Variants in NRIP1 observed in about 807,000 individuals in gnomAD.
NRIP1 encodes the protein nuclear receptor-interacting protein 1.
A neutral mutation model predicts 75.0 loss-of-function variants in NRIP1; 28 were observed. That is an observed-to-expected ratio of 0.37 (90% CI 0.28 to 0.51). The LOEUF (loss-of-function observed/expected upper bound fraction) is 0.51, where lower values mean the gene tolerates loss of function less well. Ranked by LOEUF, NRIP1 falls within the 20% of genes least tolerant of loss-of-function variation. The pLI is 0.92. For missense variants in NRIP1, 1,435 were observed against 1,343.7 expected (o/e 1.07, Z -1.06); for synonymous variants, 526 against 487.6 (o/e 1.08, Z -1.04).
intron 3 of NRIP1, among the ~76,000 whole-genome samples, chr21:14,969,120 TGTGA>T (rs1282999678): frequency 6.6e-6 from 1 of 152,336 alleles, no homozygotes; most frequent in East Asian, 1.9e-4. Flanking sequence ...AAGATTATTT[TGTGA>T]GTCTGTTCAA....
chr21:14,976,889 T>C (rs1568951027), intron 3 of NRIP1, among the ~76,000 whole-genome samples: 1 of 152,172 alleles, frequency 6.6e-6, no homozygotes, highest in African/African-American at 2.4e-5. Flanking sequence ...TCACTTGGTA[T>C]GCCATTTAAA....
Position 15,014,336 on chromosome 21 carries a change from A to G in NRIP1, c.-335+8T>C, listed in dbSNP as rs916799346. The G allele has an allele frequency of 1.3e-5, 5 of 397,480 alleles. No homozygotes were observed. Among genetic ancestry groups the G allele is most frequent in the African/African-American group, 1.0e-4 (5 of 48,628 alleles). 24.6% of individuals were successfully genotyped at this position (397,480 alleles called of 1,614,324 possible). A position where few individuals can be genotyped will look rare whatever the true frequency, so the allele number is the denominator to read the frequency against. ...AGCCTTAAGAACTCAGGAAAAAAAT[A>G]TTCTCACCGTCTGTCTCCAAGCTCT... is the stretch of plus-strand genomic sequence containing the variant. On this transcript the variant is annotated splice_region_variant and intron_variant, in intron 3 of 3. Coordinates refer to ENST00000318948, the MANE Select transcript of NRIP1 (RefSeq NM_003489.4).
Position 14,962,653 on chromosome 21 carries a change from T to C in NRIP1, c.*2063A>G, listed in dbSNP as rs996045637. ...CAATAAGATTGTCATAGTATGGACA[T>C]GGAATAGAATATATTCAACTGGCCA... On this transcript the variant is annotated 3_prime_UTR_variant, in exon 4 of 4. Transcript: ENST00000318948. The C allele has an allele frequency of 6.6e-6, 1 of 152,480 alleles. No homozygotes were observed. Among genetic ancestry groups the C allele is most frequent in the Admixed American group, 6.6e-5 (1 of 15,244 alleles). The allele number at this position is 152,480 out of a possible 1,614,324, so 9.4% of individuals were successfully genotyped here.
Position 14,962,042 on chromosome 21 carries a change from T to A in NRIP1, c.*2674A>T, listed in dbSNP as rs1555876651. 9 of 130,442 alleles carry A rather than the reference T, an allele frequency of 6.9e-5. No individual in the cohort carries two copies. The highest frequency in any genetic ancestry group is 1.3e-4 in the Non-Finnish European group (8 of 61,186). 8.1% of individuals were successfully genotyped at this position (130,442 alleles called of 1,614,324 possible). On this transcript the variant is annotated 3_prime_UTR_variant, in exon 4 of 4. Coordinates refer to ENST00000318948, the MANE Select transcript of NRIP1 (RefSeq NM_003489.4). Reference sequence around the variant, plus strand: ...ATATATATATATATATATATATATATAAAATATATACTCTCACCAGTTTAC... The same window carrying A: ...ATATATATATATATATATATATATAAAAAATATATACTCTCACCAGTTTAC...
In NRIP1 at chr21:14,987,039, A is replaced by G. The variant is rs567130221; in HGVS notation, c.-334-18513T>C. Among the ~76,000 whole-genome samples, 4 of 152,210 alleles carry G rather than the reference A, an allele frequency of 2.6e-5. No individual in the cohort carries two copies. In the South Asian group the frequency reaches 8.3e-4, roughly 32 times the overall value. ...TGATGCTTAATCCCCTTTATAACCC[A>G]TTTGCTATCTCTGGATATCTAGCTT... On this transcript the variant is annotated intron_variant, in intron 3 of 3. Coordinates refer to ENST00000318948, the MANE Select transcript of NRIP1 (RefSeq NM_003489.4).
At chr21:15,000,079 G>C (rs189376964) in intron 3 of NRIP1, among the ~76,000 whole-genome samples, 2 of 152,242 alleles carry the variant, frequency 1.3e-5, no homozygotes, top group East Asian at 3.9e-4. Context: ...AATTTGAAGG[G>C]AAGAAGAACT....
At chr21:14,988,421 T>TTAGATAGATAGATAGATAGA in intron 3 of NRIP1, among the ~76,000 whole-genome samples, 2 of 145,926 alleles carry the variant, frequency 1.4e-5, no homozygotes, top group East Asian at 4.0e-4. Context: ...TCTTTTGTCT[T>TTAGATAGATAGATAGATAGA]TAGATAGATA....
intron 1 of NRIP1, among the ~76,000 whole-genome samples, chr21:15,054,636 C>A (rs1038213329): frequency 2.0e-5 from 3 of 152,158 alleles, no homozygotes; most frequent in Middle Eastern, 3.2e-3. Context: ...TTCCATTATT[C>A]ATAAGTTACA....
At chr21:15,039,307 A>G (rs1469968154) in intron 2 of NRIP1, among the ~76,000 whole-genome samples, 1 of 152,124 alleles carries the variant, frequency 6.6e-6, no homozygotes, top group Non-Finnish European at 1.5e-5. Context: ...TGTATCCCAG[A>G]TCTGGGAACC....
rs1438110892 is a variant in NRIP1 at position 15,015,188 on chromosome 21, A to G, written c.-457-722T>C. Among the ~76,000 whole-genome samples, 3 of 152,236 alleles carry G rather than the reference A, an allele frequency of 2.0e-5. No individual in the cohort carries two copies. The East Asian group carries it at 5.8e-4, about 29-fold the overall frequency. Reference sequence around the variant, plus strand: ...GACAAAAAGAAACATATTTTGTGTGATTCCATTTGGATAACATTCCAGAAA... The same window carrying G: ...GACAAAAAGAAACATATTTTGTGTGGTTCCATTTGGATAACATTCCAGAAA... On this transcript the variant is annotated intron_variant, in intron 2 of 3. Coordinates refer to ENST00000318948, the MANE Select transcript of NRIP1 (RefSeq NM_003489.4).
intron 2 of NRIP1, among the ~76,000 whole-genome samples, chr21:15,023,825 G>A (rs2088438840): frequency 6.6e-6 from 1 of 152,166 alleles, no homozygotes; most frequent in African/African-American, 2.4e-5. Context: ...AATTAAGCTA[G>A]TGCGCTCCTG....
At chr21:15,056,116 C>G (rs547677660) in intron 1 of NRIP1, among the ~76,000 whole-genome samples, 115 of 152,066 alleles carry the variant, frequency 7.6e-4, no homozygotes, top group African/African-American at 2.7e-3. Flanking sequence ...ACAAAAGATG[C>G]ATCTAAAAAC....
At position 14,962,009 on chromosome 21, in the gene NRIP1, TAC is replaced by T. The variant is rs1568929933; in HGVS notation, c.*2705_*2706del. ...TGTAACAAGTCAATATATATATATATACATATTATATATATATATATATATAT... is the reference window on the plus strand; with the variant it reads ...TGTAACAAGTCAATATATATATATATATATTATATATATATATATATATAT... On this transcript the variant is annotated 3_prime_UTR_variant, in exon 4 of 4. Coordinates refer to ENST00000318948, the MANE Select transcript of NRIP1 (RefSeq NM_003489.4). 8.0e-5 allele frequency: 7 copies of T among 87,192 alleles called. No homozygotes were observed. In the East Asian group the frequency reaches 2.5e-3, roughly 31 times the overall value. 5.4% of individuals were successfully genotyped at this position (87,192 alleles called of 1,614,324 possible).
chr21:14,977,016 G>A (rs575198549), intron 3 of NRIP1, among the ~76,000 whole-genome samples: 58 of 152,248 alleles, frequency 3.8e-4, no homozygotes, highest in African/African-American at 1.2e-3. Flanking sequence ...TTTCTACAAT[G>A]CAGCTTTGAC....
chr21:15,019,682 T>G (rs2088325435), intron 2 of NRIP1, among the ~76,000 whole-genome samples: 1 of 151,760 alleles, frequency 6.6e-6, no homozygotes, highest in African/African-American at 2.4e-5. Context: ...GAGACGGGAT[T>G]TCACTATGTT....
chr21:15,023,361 T>C (rs1417202971), intron 2 of NRIP1, among the ~76,000 whole-genome samples: 1 of 152,228 alleles, frequency 6.6e-6, no homozygotes, highest in Non-Finnish European at 1.5e-5. Context: ...GAACAGTTTG[T>C]TAATATTCAA....
intron 3 of NRIP1, among the ~76,000 whole-genome samples, chr21:14,976,441 T>C (rs959229122): frequency 1.3e-5 from 2 of 152,142 alleles, no homozygotes; most frequent in Admixed American, 1.3e-4. Context: ...AGAGCTACAT[T>C]TACTTTTTTT....
chr21:15,000,180 G>A lies in NRIP1; in HGVS notation c.-335+14164C>T, dbSNP rs2087819240. On this transcript the variant is annotated intron_variant, in intron 3 of 3. Coordinates refer to ENST00000318948, the MANE Select transcript of NRIP1 (RefSeq NM_003489.4). ...CAATTCCATAAACACCATTCAGAGAGATTCCTGTTTCTTCAATACCTAGAG... is the reference window on the plus strand; with the variant it reads ...CAATTCCATAAACACCATTCAGAGAAATTCCTGTTTCTTCAATACCTAGAG... Among the ~76,000 whole-genome samples, 2 of 152,310 alleles carry A rather than the reference G, an allele frequency of 1.3e-5. 1 individual carries two copies. The highest frequency in any genetic ancestry group is 4.1e-4 in the South Asian group (2 of 4,820).
At chr21:15,009,584 G>C (rs1178591851) in intron 3 of NRIP1, among the ~76,000 whole-genome samples, 3 of 152,152 alleles carry the variant, frequency 2.0e-5, no homozygotes, top group East Asian at 3.9e-4. Context: ...GACAAACAAG[G>C]CTTTCTCAAT....
Sources: gnomAD v4.1 joint callset for allele counts (sites outside exome capture counted in the v4.1 genomes callset) on GRCh38, gnomAD v4.1.1 for gene constraint, MANE v1.5 for transcripts, NCBI Gene and HGNC (gene_info 2026-07-23, HGNC 2026-07-21) for gene names.